The following GPC5 variants were observed in gnomAD, a reference collection of about 807,000 sequenced individuals.
GPC5 encodes glypican-5.
In GPC5, 47 loss-of-function variants were observed where a neutral mutation model predicts 53.9. The ratio of observed to expected loss-of-function variants is 0.87; its 90% CI spans 0.69 to 1.11. The LOEUF (loss-of-function observed/expected upper bound fraction) is 1.11. Among genes scored for constraint, GPC5 ranks in the 50% most tolerant of loss-of-function variants. GPC5 has a pLI of 0.00. For synonymous variants in GPC5, 286 were observed against 263.3 expected (o/e 1.09, Z -0.84); for missense variants, 748 against 713.1 (o/e 1.05, Z -0.56).
intron 5 of GPC5, among the ~76,000 whole-genome samples, chr13:91,771,867 A>G (rs979980405): frequency 2.0e-5 from 3 of 152,232 alleles, no homozygotes; most frequent in African/African-American, 7.2e-5. Flanking sequence ...AAATACAAGC[A>G]CACATTGTCA....
In GPC5 at chr13:91,638,527, G is replaced by A. The variant is rs137864950; in HGVS notation, c.326-54660G>A. Reference sequence around the variant, plus strand: ...ACTACAGGCATGTGCCACCATACTCGGCTAATTTTCATATTTTTAATAGAG... The same window carrying A: ...ACTACAGGCATGTGCCACCATACTCAGCTAATTTTCATATTTTTAATAGAG... On this transcript the variant is annotated intron_variant, in intron 2 of 7. Transcript: ENST00000377067. 4.2e-3 allele frequency among the ~76,000 whole-genome samples: 635 copies of A among 151,782 alleles called. 8 individuals carry two copies. The highest frequency in any genetic ancestry group is 0.015 in the African/African-American group (603 of 41,358).
At chr13:92,728,169 G>A (rs906880784) in intron 7 of GPC5, among the ~76,000 whole-genome samples, 2 of 151,350 alleles carry the variant, frequency 1.3e-5, no homozygotes, top group African/African-American at 2.4e-5. Context: ...TTTGCCATAG[G>A]CATTTATAAA....
intron 7 of GPC5, among the ~76,000 whole-genome samples, chr13:92,825,422 TA>T (rs564496415): frequency 9.9e-5 from 15 of 152,194 alleles, no homozygotes; most frequent in Middle Eastern, 3.4e-3. Context: ...TTTGAAAGCA[TA>T]AAAAAATGCA....
At chr13:92,594,229 T>C (rs1313633307) in intron 7 of GPC5, among the ~76,000 whole-genome samples, 2 of 152,124 alleles carry the variant, frequency 1.3e-5, no homozygotes, top group African/African-American at 4.8e-5. Flanking sequence ...ACAGGGTTGA[T>C]TGAAGGTATT....
chr13:92,856,774 A>G (rs1456628780), intron 7 of GPC5, among the ~76,000 whole-genome samples: 1 of 152,114 alleles, frequency 6.6e-6, no homozygotes, highest in East Asian at 1.9e-4. Context: ...CATCTAACCA[A>G]GAAGGTGAAA....
chr13:92,404,284 T>C (rs1875695642), intron 7 of GPC5, among the ~76,000 whole-genome samples: 1 of 152,192 alleles, frequency 6.6e-6, no homozygotes, highest in Non-Finnish European at 1.5e-5. Flanking sequence ...TGAAGATAAA[T>C]GTGTTGCTGA....
chr13:92,659,924 A>C (rs1886279547), intron 7 of GPC5, among the ~76,000 whole-genome samples: 1 of 152,184 alleles, frequency 6.6e-6, no homozygotes, highest in Non-Finnish European at 1.5e-5. Context: ...CATCAGAGAA[A>C]GAGAAAGAAA....
At chr13:92,398,415 C>T (rs1333204781) in intron 7 of GPC5, among the ~76,000 whole-genome samples, 3 of 94,014 alleles carry the variant, frequency 3.2e-5, no homozygotes, top group Non-Finnish European at 5.6e-5. Flanking sequence ...GGCGACAGAG[C>T]GAGACTCCGT....
At chr13:92,451,619 A>G (rs761099473) in intron 7 of GPC5, among the ~76,000 whole-genome samples, 25 of 152,220 alleles carry the variant, frequency 1.6e-4, no homozygotes, top group Non-Finnish European at 7.3e-5. Flanking sequence ...TGCACGTGGC[A>G]CAATCAACAC....
intron 7 of GPC5, among the ~76,000 whole-genome samples, chr13:92,395,971 T>C (rs1875252070): frequency 6.6e-6 from 1 of 151,182 alleles, no homozygotes; most frequent in Non-Finnish European, 1.5e-5. Context: ...TTGGGTGTTC[T>C]CTGAGCTTTC....
intron 5 of GPC5, among the ~76,000 whole-genome samples, chr13:91,808,691 G>C (rs1230580873): frequency 6.6e-6 from 1 of 152,136 alleles, no homozygotes; most frequent in Admixed American, 6.6e-5. Flanking sequence ...GCTGATTTCT[G>C]TAGTCTCCAG....
chr13:92,764,205 C>G (rs548792441), intron 7 of GPC5, among the ~76,000 whole-genome samples: 21 of 152,214 alleles, frequency 1.4e-4, no homozygotes, highest in Non-Finnish European at 2.8e-4. Context: ...TGGACCAGCT[C>G]TGTGACAAAT....
chr13:92,066,862 G>C (rs957870136), intron 6 of GPC5, among the ~76,000 whole-genome samples: 3 of 152,178 alleles, frequency 2.0e-5, no homozygotes, highest in Admixed American at 2.0e-4. Flanking sequence ...GGAGAGGAAA[G>C]AGGAGAACAT....
intron 7 of GPC5, among the ~76,000 whole-genome samples, chr13:92,521,249 G>C (rs961826424): frequency 6.6e-6 from 1 of 151,962 alleles, no homozygotes; most frequent in African/African-American, 2.4e-5. Context: ...CTACCAATGA[G>C]TTTCTTCACA....
chr13:92,826,087 T>C (rs1877838861), intron 7 of GPC5, among the ~76,000 whole-genome samples: 1 of 152,154 alleles, frequency 6.6e-6, no homozygotes, highest in Non-Finnish European at 1.5e-5. Flanking sequence ...CATGCCGTTG[T>C]GTAAATCTCT....
At chr13:91,873,815 G>A (rs973552177) in intron 5 of GPC5, among the ~76,000 whole-genome samples, 2 of 151,872 alleles carry the variant, frequency 1.3e-5, no homozygotes, top group African/African-American at 2.4e-5. Context: ...CTGAGTAGCT[G>A]GGACCACAGA....
chr13:92,481,806 C>G (rs1172890025), intron 7 of GPC5, among the ~76,000 whole-genome samples: 2 of 151,940 alleles, frequency 1.3e-5, no homozygotes, highest in African/African-American at 4.8e-5. Context: ...TTTTTAATAC[C>G]TAGCTGATGT....
At chr13:92,151,637 T>C (rs1403692479) in intron 7 of GPC5, among the ~76,000 whole-genome samples, 1 of 152,200 alleles carries the variant, frequency 6.6e-6, no homozygotes, top group Non-Finnish European at 1.5e-5. Context: ...TCCATCCTTT[T>C]GCAGGGCCTG....
intron 7 of GPC5, among the ~76,000 whole-genome samples, chr13:92,711,041 T>G (rs1439421309): frequency 6.6e-6 from 1 of 152,192 alleles, no homozygotes; most frequent in African/African-American, 2.4e-5. Flanking sequence ...TGGAGTTTGG[T>G]GCACTATTCG....
Sources: gnomAD v4.1 joint callset for allele counts (sites outside exome capture counted in the v4.1 genomes callset) on GRCh38, gnomAD v4.1.1 for gene constraint, MANE v1.5 for transcripts, NCBI Gene and HGNC (gene_info 2026-07-23, HGNC 2026-07-21) for gene names.